CA10: variants seen among roughly 807,000 people sequenced by gnomAD.
The protein encoded by CA10 is carbonic anhydrase 10 (inactive).
A neutral mutation model predicts 44.2 loss-of-function variants in CA10; 14 were observed. The ratio of observed to expected loss-of-function variants is 0.32; its 90% CI spans 0.21 to 0.50. The LOEUF is 0.50. Ranked by LOEUF, CA10 falls within the 20% of genes least tolerant of loss-of-function variation. CA10 has a pLI of 0.99. For synonymous variants in CA10, 159 were observed against 141.6 expected, an observed-to-expected ratio of 1.12 and a Z score of -0.87; for missense variants, 350 against 409.7, an observed-to-expected ratio of 0.85 and a Z score of 1.26.
At chr17:51,638,087 A>G (rs1912915383) in intron 6 of CA10, among the ~76,000 whole-genome samples, 1 of 152,232 alleles carries the variant, frequency 6.6e-6, no homozygotes, top group African/African-American at 2.4e-5. Context: ...CTTCCTCTAG[A>G]AATTGCTCGT....
intron 2 of CA10, among the ~76,000 whole-genome samples, chr17:51,952,421 G>T (rs1983518917): frequency 6.6e-6 from 1 of 152,058 alleles, no homozygotes; most frequent in Non-Finnish European, 1.5e-5. Flanking sequence ...ACTGCACACT[G>T]GCTCATGCTC....
intron 3 of CA10, among the ~76,000 whole-genome samples, chr17:51,752,920 AAAAT>A (rs111991297): frequency 2.6e-5 from 4 of 152,202 alleles, no homozygotes; most frequent in Non-Finnish European, 4.4e-5. Context: ...CTGCATCTCA[AAAAT>A]AAATAAATAA....
intron 3 of CA10, among the ~76,000 whole-genome samples, chr17:51,754,734 A>G (rs570495861): frequency 1.4e-3 from 211 of 152,050 alleles, no homozygotes; most frequent in African/African-American, 4.7e-3. Flanking sequence ...ATCCCAATTA[A>G]TGTTTGACCA....
At chr17:52,078,957 A>G (rs749319824) in intron 1 of CA10, among the ~76,000 whole-genome samples, 6 of 152,034 alleles carry the variant, frequency 3.9e-5, no homozygotes, top group Non-Finnish European at 8.8e-5. Context: ...CCTAACCGTA[A>G]CCTTCCTGAG....
intron 1 of CA10, among the ~76,000 whole-genome samples, chr17:52,091,097 C>T (rs762943388): frequency 2.0e-5 from 3 of 151,866 alleles, no homozygotes; most frequent in Non-Finnish European, 4.4e-5. Context: ...CCAAAAAATA[C>T]TATCTGAAAA....
intron 3 of CA10, among the ~76,000 whole-genome samples, chr17:51,792,194 G>A (rs1022434657): frequency 5.3e-5 from 8 of 152,182 alleles, no homozygotes; most frequent in Non-Finnish European, 1.2e-4. Flanking sequence ...CAGGCATACA[G>A]AGGCTAAGCA....
intron 3 of CA10, among the ~76,000 whole-genome samples, chr17:51,850,243 G>T (rs571584588): frequency 6.6e-6 from 1 of 152,186 alleles, no homozygotes; most frequent in African/African-American, 2.4e-5. Flanking sequence ...GTATAAATCT[G>T]TCCTGAGTTT....
chr17:52,068,255 G>C (rs1218257595), intron 2 of CA10, among the ~76,000 whole-genome samples: 1 of 152,140 alleles, frequency 6.6e-6, no homozygotes. Flanking sequence ...GTTTTGTAAG[G>C]GGCTCTTCCC....
chr17:52,057,086 ATAAT>A (rs1322324224), intron 2 of CA10, among the ~76,000 whole-genome samples: 13 of 152,170 alleles, frequency 8.5e-5, no homozygotes, highest in African/African-American at 2.7e-4. Flanking sequence ...GGCTAACTGA[ATAAT>A]TAGAGTTTCC....
intron 2 of CA10, among the ~76,000 whole-genome samples, chr17:52,023,621 G>A (rs1986207951): frequency 6.6e-6 from 1 of 151,790 alleles, no homozygotes; most frequent in African/African-American, 2.4e-5. Flanking sequence ...TTTACAAATG[G>A]GATGTGATTC....
chr17:52,089,116 G>A (rs1046689284), intron 1 of CA10, among the ~76,000 whole-genome samples: 1 of 152,180 alleles, frequency 6.6e-6, no homozygotes, highest in Non-Finnish European at 1.5e-5. Flanking sequence ...CACAGAAAAC[G>A]TTCCACATGC....
At chr17:52,069,234 A>G (rs191243015) in intron 2 of CA10, among the ~76,000 whole-genome samples, 3 of 152,226 alleles carry the variant, frequency 2.0e-5, no homozygotes, top group African/African-American at 4.8e-5. Flanking sequence ...TACCTAGCCA[A>G]ATGGACACAT....
chr17:51,894,756 G>T (rs1480036418), intron 3 of CA10, among the ~76,000 whole-genome samples: 1 of 152,034 alleles, frequency 6.6e-6, no homozygotes, highest in Non-Finnish European at 1.5e-5. Flanking sequence ...TAAGTTTGTG[G>T]TACTTTGTTA....
chr17:51,865,563 G>C (rs768456393), intron 3 of CA10, among the ~76,000 whole-genome samples: 15 of 152,134 alleles, frequency 9.9e-5, no homozygotes, highest in Non-Finnish European at 1.8e-4. Flanking sequence ...TCAGGGAGCC[G>C]GTGGGGGGGA....
intron 2 of CA10, among the ~76,000 whole-genome samples, chr17:52,008,924 T>C (rs1216253812): frequency 1.3e-5 from 2 of 151,980 alleles, no homozygotes; most frequent in African/African-American, 4.8e-5. Context: ...TACTAGACCA[T>C]GAGCTTCTAG....
intron 3 of CA10, among the ~76,000 whole-genome samples, chr17:51,888,509 C>A (rs1980713994): frequency 6.6e-6 from 1 of 152,152 alleles, no homozygotes; most frequent in Non-Finnish European, 1.5e-5. Flanking sequence ...CCTAAATTGT[C>A]TTTTCTTCCT....
intron 4 of CA10, among the ~76,000 whole-genome samples, chr17:51,712,874 G>A (rs576074699): frequency 2.6e-5 from 4 of 152,274 alleles, no homozygotes; most frequent in Non-Finnish European, 5.9e-5. Context: ...CATTGCCTAC[G>A]ACCTTCCTTC....
chr17:52,133,329 AG>A (rs1253441872), intron 1 of CA10, among the ~76,000 whole-genome samples: 2 of 152,206 alleles, frequency 1.3e-5, no homozygotes, highest in East Asian at 3.9e-4. Flanking sequence ...GCCATAACAT[AG>A]CAGGAGACAC....
intron 1 of CA10, among the ~76,000 whole-genome samples, chr17:52,146,178 A>G (rs985130464): frequency 6.6e-6 from 1 of 152,240 alleles, no homozygotes; most frequent in African/African-American, 2.4e-5. Flanking sequence ...GGTGCAACAC[A>G]CCAACATGGC....
Sources: allele counts gnomAD v4.1 joint callset (sites outside exome capture counted in the v4.1 genomes callset), GRCh38; gene constraint gnomAD v4.1.1; transcripts MANE v1.5; gene names NCBI Gene and HGNC (gene_info 2026-07-23, HGNC 2026-07-21).